ABLIM1: variants seen among roughly 807,000 people sequenced by gnomAD.
ABLIM1 encodes actin binding LIM protein 1.
A neutral mutation model predicts 107.0 loss-of-function variants in ABLIM1; 40 were observed. The ratio of observed to expected loss-of-function variants is 0.37; its 90% CI spans 0.29 to 0.49. ABLIM1 has a LOEUF of 0.49. ABLIM1 is among the 20% of genes least tolerant of loss of function. The pLI is 0.97. For synonymous variants in ABLIM1, 357 were observed against 357.3 expected (o/e 1.00, Z 0.01); for missense variants, 857 against 1,008.5 (o/e 0.85, Z 2.04).
intron 1 of ABLIM1, among the ~76,000 whole-genome samples, chr10:114,764,073 A>G (rs1300360430): frequency 6.6e-6 from 1 of 152,224 alleles, no homozygotes; most frequent in Non-Finnish European, 1.5e-5. Flanking sequence ...GGTTGCCTAG[A>G]CAATTCTCCC....
chr10:114,499,902 A>G (rs2060168471), intron 6 of ABLIM1, among the ~76,000 whole-genome samples: 1 of 152,186 alleles, frequency 6.6e-6, no homozygotes, highest in Non-Finnish European at 1.5e-5. Context: ...GAGGCTTCCA[A>G]TGCAACTGGA....
chr10:114,472,723 A>G (rs994985754), intron 10 of ABLIM1, among the ~76,000 whole-genome samples: 1 of 73,748 alleles, frequency 1.4e-5, no homozygotes, highest in Non-Finnish European at 2.8e-5. Flanking sequence ...CCCCCTCCCC[A>G]CCTCCCGACA....
chr10:114,557,324 C>A (rs575234219), intron 4 of ABLIM1, among the ~76,000 whole-genome samples: 1 of 152,230 alleles, frequency 6.6e-6, no homozygotes, highest in South Asian at 2.1e-4. Flanking sequence ...AGTGAAGGTT[C>A]TTGTTGTCTT....
chr10:114,505,817 C>A (rs957789476), intron 6 of ABLIM1, among the ~76,000 whole-genome samples: 4 of 152,156 alleles, frequency 2.6e-5, no homozygotes, highest in African/African-American at 9.7e-5. Context: ...TCCCACCCTG[C>A]TCTTATTTCC....
At chr10:114,771,855 C>T (rs2083028498), upstream of ABLIM1, among the ~76,000 whole-genome samples, 1 of 152,122 alleles carries the variant, frequency 6.6e-6, no homozygotes. Flanking sequence ...AAAGAGGTTC[C>T]TATTTGACTC....
At chr10:114,570,064 A>G (rs1226676804) in intron 4 of ABLIM1, among the ~76,000 whole-genome samples, 1 of 152,210 alleles carries the variant, frequency 6.6e-6, no homozygotes. Flanking sequence ...TCTGGTGCAG[A>G]AGTGGTTTAT....
intron 2 of ABLIM1, among the ~76,000 whole-genome samples, chr10:114,584,633 A>C (rs966074359): frequency 2.0e-4 from 30 of 152,212 alleles, no homozygotes; most frequent in African/African-American, 7.2e-4. Context: ...TTGCTAATGC[A>C]TTGTTCTGAA....
At chr10:114,527,657 G>A (rs1357873209) in intron 6 of ABLIM1, among the ~76,000 whole-genome samples, 1 of 118,672 alleles carries the variant, frequency 8.4e-6, no homozygotes, top group Non-Finnish European at 1.6e-5. Context: ...AACAACTCTT[G>A]TCTTTTTTTT....
At chr10:114,612,404 C>T (rs777213742) in intron 1 of ABLIM1, among the ~76,000 whole-genome samples, 1 of 152,160 alleles carries the variant, frequency 6.6e-6, no homozygotes, top group Non-Finnish European at 1.5e-5. Context: ...GCCTCAGGAA[C>T]CATAAGAAAT....
the ABLIM1 span, among the ~76,000 whole-genome samples, chr10:114,798,115 T>TA: frequency 6.6e-6 from 1 of 152,218 alleles, no homozygotes; most frequent in Non-Finnish European, 1.5e-5. Flanking sequence ...GCCTTATATA[T>TA]TTTTTATATA....
chr10:114,492,077 C>G (rs904436452), intron 6 of ABLIM1, among the ~76,000 whole-genome samples, 199 bp from the exon 7 acceptor site: 8 of 151,866 alleles, frequency 5.3e-5, no homozygotes, highest in African/African-American at 1.9e-4. Context: ...CCAAGGCCAG[C>G]TACTCGTGGC....
chr10:114,628,849 T>C (rs867464997), intron 1 of ABLIM1, among the ~76,000 whole-genome samples: 20 of 152,314 alleles, frequency 1.3e-4, no homozygotes, highest in Middle Eastern at 3.4e-3. Context: ...ACTTGCACTA[T>C]AACACCCATT....
chr10:114,706,248 T>TA (rs1264325470), intron 1 of ABLIM1, among the ~76,000 whole-genome samples: 6 of 152,186 alleles, frequency 3.9e-5, no homozygotes, highest in African/African-American at 1.4e-4. Context: ...GTTCAACTGA[T>TA]TTAGGCACAA....
At chr10:114,600,423 C>T (rs1039071619) in intron 2 of ABLIM1, among the ~76,000 whole-genome samples, 1 of 152,196 alleles carries the variant, frequency 6.6e-6, no homozygotes, top group Admixed American at 6.5e-5. Context: ...CACCTTCTTA[C>T]CCTAGCTACA....
intron 4 of ABLIM1, among the ~76,000 whole-genome samples, chr10:114,567,023 T>C (rs910901641): frequency 1.3e-5 from 2 of 152,226 alleles, no homozygotes; most frequent in East Asian, 3.8e-4. Flanking sequence ...CACTCCAGCC[T>C]GGGCGACAGA....
chr10:114,751,804 CA>C (rs1252814861), intron 1 of ABLIM1, among the ~76,000 whole-genome samples: 20 of 150,908 alleles, frequency 1.3e-4, no homozygotes, highest in Non-Finnish European at 7.4e-5. Context: ...AACTCATGCA[CA>C]GGGGGGAAAT....
At chr10:114,543,695 G>T (rs368805412) in intron 6 of ABLIM1, among the ~76,000 whole-genome samples, 1 of 152,154 alleles carries the variant, frequency 6.6e-6, no homozygotes, top group Non-Finnish European at 1.5e-5. Flanking sequence ...GCTTCCTACC[G>T]CTTTTAGGGT....
At chr10:114,782,610 G>A in the ABLIM1 span, among the ~76,000 whole-genome samples, 6 of 152,114 alleles carry the variant, frequency 3.9e-5, no homozygotes, top group Non-Finnish European at 8.8e-5. Flanking sequence ...TAAACTAAAT[G>A]TAATGAAAGA....
chr10:114,525,952 A>G (rs2064655649), intron 6 of ABLIM1, among the ~76,000 whole-genome samples: 2 of 152,218 alleles, frequency 1.3e-5, no homozygotes, highest in Admixed American at 1.3e-4. Flanking sequence ...CCCCAAAAAA[A>G]GTCTTTACAG....
Sources: allele counts gnomAD v4.1 joint callset (sites outside exome capture counted in the v4.1 genomes callset), GRCh38; gene constraint gnomAD v4.1.1; transcripts MANE v1.5; gene names NCBI Gene and HGNC (gene_info 2026-07-23, HGNC 2026-07-21).